The following SYNDIG1 variants were observed in gnomAD, a reference collection of about 807,000 sequenced individuals.
The protein encoded by SYNDIG1 is synapse differentiation inducing 1, also known as synapse differentiation-inducing gene protein 1.
Under a neutral mutation model 19.4 loss-of-function variants are expected in SYNDIG1, and 9 were observed. The ratio of observed to expected loss-of-function variants is 0.46; its 90% CI spans 0.28 to 0.81. The LOEUF (loss-of-function observed/expected upper bound fraction) is 0.81, where lower values mean the gene tolerates loss of function less well. Among genes scored for constraint, SYNDIG1 ranks in the 30% least tolerant of loss-of-function variants. The pLI, the probability that SYNDIG1 is intolerant of heterozygous loss-of-function variation, is 0.12. For missense variants in SYNDIG1, 311 were observed against 343.3 expected (o/e 0.91, Z 0.74); for synonymous variants, 141 against 145.9 (o/e 0.97, Z 0.24).
intron 1 of SYNDIG1, among the ~76,000 whole-genome samples, chr20:24,481,344 G>T (rs905149041): frequency 1.3e-5 from 2 of 152,172 alleles, no homozygotes; most frequent in African/African-American, 4.8e-5. Flanking sequence ...TCACATGGCT[G>T]GGGCTGGAGT....
intron 3 of SYNDIG1, among the ~76,000 whole-genome samples, chr20:24,611,674 G>A (rs1018046051): frequency 4.6e-5 from 7 of 152,062 alleles, no homozygotes; most frequent in African/African-American, 1.4e-4. Flanking sequence ...CTGCCTGGAG[G>A]CCTTCTACCC....
intron 2 of SYNDIG1, among the ~76,000 whole-genome samples, chr20:24,573,173 G>T (rs1479299768): frequency 6.6e-6 from 1 of 152,226 alleles, no homozygotes; most frequent in African/African-American, 2.4e-5. Flanking sequence ...AACGTACATT[G>T]TAAGCAGAGG....
intron 2 of SYNDIG1, among the ~76,000 whole-genome samples, chr20:24,577,666 T>C (rs955889151): frequency 2.6e-5 from 4 of 152,208 alleles, no homozygotes; most frequent in African/African-American, 9.6e-5. Flanking sequence ...GGGCTTGAGC[T>C]GTGTCTTCTG....
At position 24,648,487 on chromosome 20, in the gene SYNDIG1, C is replaced by T. The variant is rs7354752; in HGVS notation, c.619-16859C>T. Among the ~76,000 whole-genome samples the T allele has an allele frequency of 9.4e-3, 1,437 of 152,300 alleles. 21 individuals are homozygous for T. The highest frequency in any genetic ancestry group is 0.033 in the African/African-American group (1,373 of 41,550). Reference sequence around the variant, plus strand: ...TGTCTCACTGTATCATCACACATTTCGGGTTAGTTCAGGCCAGGAATTCTT... The same window carrying T: ...TGTCTCACTGTATCATCACACATTTTGGGTTAGTTCAGGCCAGGAATTCTT... On this transcript the variant is annotated intron_variant, in intron 3 of 3. Coordinates refer to ENST00000376862, the MANE Select transcript of SYNDIG1 (RefSeq NM_024893.3).
At chr20:24,541,641 C>T (rs1375616924) in intron 1 of SYNDIG1, among the ~76,000 whole-genome samples, 1 of 152,168 alleles carries the variant, frequency 6.6e-6, no homozygotes, top group Non-Finnish European at 1.5e-5. Context: ...TGATGCAGCC[C>T]AGAAAGTGTT....
chr20:24,546,363 CA>C (rs60363914), intron 2 of SYNDIG1, among the ~76,000 whole-genome samples: 6,382 of 152,258 alleles, frequency 0.042, 406 homozygotes, highest in African/African-American at 0.14. Context: ...AGTGCCTTAA[CA>C]ACTCTTTCTT....
At chr20:24,544,547 C>G (rs988449663) in intron 2 of SYNDIG1, among the ~76,000 whole-genome samples, 1 of 152,096 alleles carries the variant, frequency 6.6e-6, no homozygotes, top group Non-Finnish European at 1.5e-5. Flanking sequence ...AATTCAGGAT[C>G]GTGGCCAGCA....
At chr20:24,544,467 G>A (rs562823513) in intron 2 of SYNDIG1, among the ~76,000 whole-genome samples, 1 of 152,308 alleles carries the variant, frequency 6.6e-6, no homozygotes, top group Non-Finnish European at 1.5e-5. Flanking sequence ...AAAAGGGGAA[G>A]GGATGTCTGT....
At chr20:24,561,942 A>T (rs2057954952) in intron 2 of SYNDIG1, among the ~76,000 whole-genome samples, 1 of 152,270 alleles carries the variant, frequency 6.6e-6, no homozygotes, top group African/African-American at 2.4e-5. Flanking sequence ...CTGTTGGAGC[A>T]GTCCCTAAAT....
chr20:24,538,321 C>G (rs1029459906), intron 1 of SYNDIG1, among the ~76,000 whole-genome samples: 2 of 152,164 alleles, frequency 1.3e-5, no homozygotes, highest in African/African-American at 4.8e-5. Context: ...CTTTTGATGA[C>G]TCTAAGTACC....
chr20:24,528,433 A>C (rs2057172719), intron 1 of SYNDIG1, among the ~76,000 whole-genome samples: 2 of 152,196 alleles, frequency 1.3e-5, no homozygotes, highest in Admixed American at 1.3e-4. Context: ...TTTATCAATA[A>C]TAGAAATTTA....
chr20:24,542,019 G>T (rs1194291963), intron 1 of SYNDIG1, among the ~76,000 whole-genome samples: 1 of 152,168 alleles, frequency 6.6e-6, no homozygotes, highest in East Asian at 1.9e-4. Flanking sequence ...ATGAGCTAAT[G>T]GGAATTATGA....
intron 1 of SYNDIG1, among the ~76,000 whole-genome samples, chr20:24,491,940 C>T (rs73341685): frequency 0.013 from 1,925 of 152,200 alleles, 32 homozygotes; most frequent in African/African-American, 0.043. Flanking sequence ...AAACAAAAAC[C>T]ATAAAAAATA....
chr20:24,613,673 C>G (rs187790943), intron 3 of SYNDIG1, among the ~76,000 whole-genome samples: 6 of 152,288 alleles, frequency 3.9e-5, no homozygotes, highest in African/African-American at 1.4e-4. Flanking sequence ...AGAGCCAGCT[C>G]CTGCGGCATC....
chr20:24,516,902 A>G (rs2056878676), intron 1 of SYNDIG1, among the ~76,000 whole-genome samples: 1 of 152,220 alleles, frequency 6.6e-6, no homozygotes, highest in Admixed American at 6.5e-5. Flanking sequence ...GAACCATCCC[A>G]AATGTCCATC....
chr20:24,558,659 G>A (rs764404807), intron 2 of SYNDIG1, among the ~76,000 whole-genome samples: 31 of 152,180 alleles, frequency 2.0e-4, no homozygotes, highest in East Asian at 5.8e-4. Context: ...TATGTTTAGC[G>A]TACCATTTTA....
chr20:24,533,684 C>T (rs1248391431), intron 1 of SYNDIG1, among the ~76,000 whole-genome samples: 2 of 152,130 alleles, frequency 1.3e-5, no homozygotes, highest in African/African-American at 4.8e-5. Context: ...CACCCCAGGA[C>T]AAAGGTGCTG....
chr20:24,645,932 A>G (rs1200606566), intron 3 of SYNDIG1, among the ~76,000 whole-genome samples: 1 of 152,134 alleles, frequency 6.6e-6, no homozygotes, highest in East Asian at 1.9e-4. Flanking sequence ...GAGTCAAGGC[A>G]CCCTTCTCGC....
At chr20:24,606,990 T>C (rs972416105) in intron 3 of SYNDIG1, among the ~76,000 whole-genome samples, 6 of 152,234 alleles carry the variant, frequency 3.9e-5, no homozygotes, top group African/African-American at 1.4e-4. Context: ...AATCATGTGT[T>C]ATATGAACGG....
Sources: gnomAD v4.1 joint callset for allele counts (sites outside exome capture counted in the v4.1 genomes callset) on GRCh38, gnomAD v4.1.1 for gene constraint, MANE v1.5 for transcripts, NCBI Gene and HGNC (gene_info 2026-07-23, HGNC 2026-07-21) for gene names.